The following NID2 variants were observed in gnomAD, a reference collection of about 807,000 sequenced individuals.
NID2 encodes nidogen 2.
NID2 carries 83 observed loss-of-function variants against 145.4 expected under a neutral mutation model. The ratio of observed to expected loss-of-function variants is 0.57; its 90% CI spans 0.48 to 0.69. The LOEUF is 0.69. Among genes scored for constraint, NID2 ranks in the 30% least tolerant of loss-of-function variants. NID2 has a pLI of 0.00. For synonymous variants in NID2, 739 were observed against 701.3 expected (o/e 1.05, Z -0.85); for missense variants, 1,807 against 1,765.7 (o/e 1.02, Z -0.42).
chr14:52,040,753 G>C lies in NID2; in HGVS notation c.1924C>G (p.Leu642Val). ...CCTTGAATGTTGGTCTTAATGCTCA[G>C]GTAGTTCTCTGGGTCAAGTCCCTCA... ...TAEGLDPENY[L>V]SIKTNIQGQV... Residue 642 changes from leucine (L) to valine (V), a missense_variant, in exon 8 of 22, where the codon CTG becomes GTG. Physicochemically the swap from Leu to Val is conservative, Grantham distance 32. Coordinates refer to ENST00000216286, the MANE Select transcript of NID2 (RefSeq NM_007361.4). 6.2e-7 allele frequency: 1 copy of C among 1,614,172 alleles called. No individual in the cohort carries two copies. The highest frequency in any genetic ancestry group is 8.5e-7 in the Non-Finnish European group (1 of 1,180,012).
chr14:52,059,451 C>A lies in NID2; in HGVS notation c.767+673G>T, dbSNP rs80031744. Among the ~76,000 whole-genome samples, 1,037 of 152,252 alleles carry A rather than the reference C, an allele frequency of 6.8e-3. 20 individuals are homozygous for A. Among genetic ancestry groups the A allele is most frequent in the African/African-American group, 0.023 (972 of 41,524 alleles). On this transcript the variant is annotated intron_variant, in intron 3 of 21. Transcript: ENST00000216286. ...GGCACCCCTACCTCCCCTCACACAC[C>A]CCCCAAAAAACCCTGAAGTCAATAA...
chr14:52,020,485 CAAGG>C (rs1213615549), intron 12 of NID2, among the ~76,000 whole-genome samples: 2 of 152,234 alleles, frequency 1.3e-5, no homozygotes, highest in African/African-American at 4.8e-5. Flanking sequence ...ACAGTGAATT[CAAGG>C]AAGTTATTAC....
At chr14:52,021,869 A>C (rs1422561453) in intron 12 of NID2, among the ~76,000 whole-genome samples, 2 of 152,212 alleles carry the variant, frequency 1.3e-5, no homozygotes, top group African/African-American at 4.8e-5. Flanking sequence ...GGACAATTCA[A>C]ATGCCCAGCT....
rs2140336303 is a variant in NID2 at position 52,005,750 on chromosome 14, G to A, written c.4104C>T (p.Pro1368=). The A allele has an allele frequency of 1.9e-6, 3 of 1,611,924 alleles. No individual in the cohort carries two copies. In the East Asian group the frequency reaches 6.7e-5, roughly 36 times the overall value. ...CATACTTTTTACCTGTTGGGCAGTA[G>A]GGGTAGACTGCAGTTATCCCGTAGA... The part of the protein sequence containing the change: ...SHLYGITAVY[P]YCPTGRK The change falls in exon 21 of 22, where the codon CCC becomes CCT. Residue 1368 remains proline, a synonymous_variant. Coordinates refer to ENST00000216286, the MANE Select transcript of NID2 (RefSeq NM_007361.4).
chr14:52,033,053 C>T (rs1028929363), intron 9 of NID2, among the ~76,000 whole-genome samples: 7 of 152,200 alleles, frequency 4.6e-5, no homozygotes, highest in African/African-American at 1.7e-4. Flanking sequence ...CTGAACTTGG[C>T]TTCCCAAAAC....
intron 20 of NID2, 148 bp downstream of exon 20, chr14:52,006,389 G>T: frequency 3.8e-6 from 3 of 797,842 alleles, no homozygotes; most frequent in Non-Finnish European, 6.1e-6. Flanking sequence ...CATCCTTGAA[G>T]GATCTTATCT....
chr14:52,042,513 T>G (rs1172414589), intron 6 of NID2, among the ~76,000 whole-genome samples, 163 bp from the exon 7 acceptor site: 2 of 130,262 alleles, frequency 1.5e-5, no homozygotes, highest in African/African-American at 6.1e-5. Flanking sequence ...CAGTCCTGCC[T>G]CCAGTCTGTT....
chr14:52,067,993 C>T lies in NID2; in HGVS notation c.399G>A (p.Leu133=). The change falls in exon 2 of 22, where the codon CTG becomes CTA. Residue 133 remains leucine, a synonymous_variant. Coordinates refer to ENST00000216286, the MANE Select transcript of NID2 (RefSeq NM_007361.4). ...LYREDTSPAV[L]GLAARYVRAG... Reference sequence around the variant, plus strand: ...CGCGCACATAGCGGGCGGCCAGGCCCAGCACTGCGGGGGAGGTGTCCTCTC... The same window carrying T: ...CGCGCACATAGCGGGCGGCCAGGCCTAGCACTGCGGGGGAGGTGTCCTCTC... 6.2e-7 allele frequency: 1 copy of T among 1,612,314 alleles called. No homozygotes were observed. The highest frequency in any genetic ancestry group is 8.5e-7 in the Non-Finnish European group (1 of 1,179,012).
rs375061008 is a variant in NID2, at chr14:52,065,847, A to T, written c.534+2011T>A. ...AAGGACATGAACTCATCATTTTTTA[A>T]GGCTGCATAGTATTCCATGGTGTAT... On this transcript the variant is annotated intron_variant, in intron 2 of 21. Coordinates refer to ENST00000216286, the MANE Select transcript of NID2 (RefSeq NM_007361.4). Among the ~76,000 whole-genome samples, 149 of 140,284 alleles carry T rather than the reference A, an allele frequency of 1.1e-3. 1 individual carries two copies. Among genetic ancestry groups the T allele is most frequent in the African/African-American group, 3.9e-3 (140 of 35,908 alleles). 92.0% of individuals were successfully genotyped at this position (140,284 alleles called of 152,430 possible). A position where few individuals can be genotyped will look rare whatever the true frequency, so the allele number is the denominator to read the frequency against.
chr14:52,033,617 A>AG (rs59870180), intron 9 of NID2, among the ~76,000 whole-genome samples: 150,803 of 152,358 alleles, frequency 0.99, 74,656 homozygotes, highest in Middle Eastern at 1. Flanking sequence ...AATTCCAACA[A>AG]CTATCGTTCC....
chr14:52,066,381 C>T (rs4901189), intron 2 of NID2, among the ~76,000 whole-genome samples: 13,769 of 151,372 alleles, frequency 0.091, 827 homozygotes, highest in East Asian at 0.24. Context: ...AACAGGGTGA[C>T]TATAACCTGT....
In NID2 at chr14:52,015,219, G is replaced by A. The variant is rs763271445; in HGVS notation, c.3085C>T (p.His1029Tyr). 2.2e-5 allele frequency: 36 copies of A among 1,613,554 alleles called. No individual in the cohort carries two copies. In the South Asian group the frequency reaches 3.4e-4, roughly 15 times the overall value. ...TCATCCCGGGGGGTGCCACCGTAGT[G>A]CTCCAGCAGGTTTTCCCTCCAGCGC... ...CERWRENLLE[H>Y]YGGTPRDDQY... The change falls in exon 15 of 22, where the codon CAC becomes TAC. Residue 1029 changes from histidine (H) to tyrosine (Y), a missense_variant. By Grantham distance (83) the His-to-Tyr change is moderately conservative. Transcript: ENST00000216286.
At chr14:52,025,971 G>C (rs568112756) in intron 12 of NID2, among the ~76,000 whole-genome samples, 1 of 152,236 alleles carries the variant, frequency 6.6e-6, no homozygotes, top group African/African-American at 2.4e-5. Flanking sequence ...GGTTAGTTCA[G>C]CATAAATTGT....
chr14:52,061,619 G>A (rs1231940613), intron 2 of NID2, among the ~76,000 whole-genome samples: 1 of 152,158 alleles, frequency 6.6e-6, no homozygotes, highest in Non-Finnish European at 1.5e-5. Context: ...GCTGGTGAAT[G>A]TTATAAACAC....
chr14:52,030,580 A>AC, intron 9 of NID2, among the ~76,000 whole-genome samples: 1 of 3,448 alleles, frequency 2.9e-4, no homozygotes, highest in Admixed American at 3.5e-3. Flanking sequence ...AAGGAAGGGA[A>AC]AGAAAGAAAG....
At chr14:52,044,606 G>A (rs907983565) in intron 5 of NID2, among the ~76,000 whole-genome samples, 11 of 53,896 alleles carry the variant, frequency 2.0e-4, no homozygotes, top group Non-Finnish European at 3.2e-4. Context: ...CTAGGTAGCA[G>A]GGACTTTTTT....
intron 19 of NID2, 66 bp from the exon 20 acceptor site, chr14:52,006,726 G>A: frequency 6.5e-7 from 1 of 1,545,856 alleles, no homozygotes; most frequent in Non-Finnish European, 8.9e-7. Context: ...GTGACATAGT[G>A]ATAGTGACAC....
chr14:52,018,253 T>G (rs2140358908), intron 14 of NID2, among the ~76,000 whole-genome samples: 1 of 152,248 alleles, frequency 6.6e-6, no homozygotes, highest in East Asian at 1.9e-4. Context: ...TAGCAAGCTG[T>G]GTCGGAATCA....
chr14:52,043,855 A>G (rs1280657236), intron 5 of NID2, among the ~76,000 whole-genome samples: 1 of 152,136 alleles, frequency 6.6e-6, no homozygotes, highest in Non-Finnish European at 1.5e-5. Context: ...GCCAATCCCA[A>G]GCATGGCCAC....
Sources: allele counts gnomAD v4.1 joint callset (sites outside exome capture counted in the v4.1 genomes callset), GRCh38; gene constraint gnomAD v4.1.1; transcripts MANE v1.5; gene names NCBI Gene and HGNC (gene_info 2026-07-23, HGNC 2026-07-21).